RASA3: variants seen among roughly 807,000 people sequenced by gnomAD.
RASA3 encodes RAS p21 protein activator 3.
In RASA3, 73 loss-of-function variants were observed where a neutral mutation model predicts 110.0. The ratio of observed to expected loss-of-function variants is 0.66; its 90% CI spans 0.55 to 0.81. RASA3 has a LOEUF of 0.81. Among genes scored for constraint, RASA3 ranks in the 30% least tolerant of loss-of-function variants. The probability of loss-of-function intolerance (pLI) is 0.00; values close to 1 mark genes in which losing one functional copy is unlikely to be tolerated. For missense variants in RASA3, 976 were observed against 1,113.2 expected (o/e 0.88, Z 1.75); for synonymous variants, 500 against 451.4 (o/e 1.11, Z -1.37).
chr13:114,055,802 A>C (rs1403228189), intron 2 of RASA3, among the ~76,000 whole-genome samples: 41 of 151,342 alleles, frequency 2.7e-4, no homozygotes, highest in Admixed American at 6.6e-4. Context: ...CCAGAGTGGC[A>C]GGTGCCCAGG....
chr13:114,064,923 G>A (rs1386184545), intron 2 of RASA3, among the ~76,000 whole-genome samples: 1 of 152,254 alleles, frequency 6.6e-6, no homozygotes, highest in Non-Finnish European at 1.5e-5. Context: ...CTGCCATGTG[G>A]CCTAAGGAAA....
Position 113,977,920 on chromosome 13 carries a change from A to G in RASA3, c.*1427T>C, listed in dbSNP as rs1401799882. 1 of 152,390 alleles carries G rather than the reference A, an allele frequency of 6.6e-6. No individual in the cohort carries two copies. Among genetic ancestry groups the G allele is most frequent in the East Asian group, 1.9e-4 (1 of 5,206 alleles). The allele number at this position is 152,390 out of a possible 1,614,324, so 9.4% of individuals were successfully genotyped here. A position where few individuals can be genotyped will look rare whatever the true frequency, so the allele number is the denominator to read the frequency against. On this transcript the variant is annotated 3_prime_UTR_variant, in exon 24 of 24. Coordinates refer to ENST00000334062, the MANE Select transcript of RASA3 (RefSeq NM_007368.4). ...GTGCAGCCCCAACAGCTGTGTGTCC[A>G]AAAGTCTATTTTTACAACATTTTCC...
At chr13:114,047,429 T>A (rs1398695520) in intron 3 of RASA3, among the ~76,000 whole-genome samples, 1 of 152,194 alleles carries the variant, frequency 6.6e-6, no homozygotes, top group African/African-American at 2.4e-5. Context: ...GCGAAATACC[T>A]GCTGCTCTCA....
At chr13:114,050,968 C>T (rs2079134641) in intron 3 of RASA3, among the ~76,000 whole-genome samples, 1 of 152,226 alleles carries the variant, frequency 6.6e-6, no homozygotes, top group Admixed American at 6.5e-5. Flanking sequence ...CTGAGGGACA[C>T]AGGTGAGCGC....
intron 2 of RASA3, among the ~76,000 whole-genome samples, chr13:114,067,955 A>G (rs1165836773): frequency 6.6e-6 from 1 of 152,214 alleles, no homozygotes; most frequent in Non-Finnish European, 1.5e-5. Context: ...ATCACATCAC[A>G]TTGACGTTTT....
chr13:114,045,083 C>T lies in RASA3; in HGVS notation c.278-3989G>A, dbSNP rs566075125. On this transcript the variant is annotated intron_variant, in intron 3 of 23. Coordinates refer to ENST00000334062, the MANE Select transcript of RASA3 (RefSeq NM_007368.4). Reference sequence around the variant, plus strand: ...GACGTGGGGTCACTTCTGTCACCAGCCCCCAACCTTTCCTTCTAGAAGCCA... The same window carrying T: ...GACGTGGGGTCACTTCTGTCACCAGTCCCCAACCTTTCCTTCTAGAAGCCA... 2.1e-4 allele frequency among the ~76,000 whole-genome samples: 32 copies of T among 152,322 alleles called. 1 individual carries two copies. The highest frequency in any genetic ancestry group is 6.7e-4 in the African/African-American group (28 of 41,568).
At chr13:113,993,124 A>C (rs2053157127) in intron 21 of RASA3, among the ~76,000 whole-genome samples, 1 of 152,178 alleles carries the variant, frequency 6.6e-6, no homozygotes, top group Non-Finnish European at 1.5e-5. Context: ...CATGTGGTTT[A>C]TTCCTTCAGT....
At chr13:114,074,863 C>T (rs1393841021) in intron 1 of RASA3, among the ~76,000 whole-genome samples, 3 of 152,268 alleles carry the variant, frequency 2.0e-5, no homozygotes, top group African/African-American at 7.2e-5. Context: ...TCGGAGCATG[C>T]CCCAGCGGCA....
At chr13:114,118,353 G>A (rs1267297253) in intron 1 of RASA3, among the ~76,000 whole-genome samples, 4 of 152,060 alleles carry the variant, frequency 2.6e-5, no homozygotes, top group Non-Finnish European at 5.9e-5. Context: ...TAGTGGGTGG[G>A]GAAGCTTCTG....
In RASA3 at chr13:113,978,923, G is replaced by A. The variant is rs2139016504; in HGVS notation, c.*424C>T. 1 of 184,152 alleles carries A rather than the reference G, an allele frequency of 5.4e-6. No individual in the cohort carries two copies. 11.4% of individuals were successfully genotyped at this position (184,152 alleles called of 1,614,324 possible). ...GGCCTCCCGGGCACAGAGCCACAGA[G>A]CCCAGCGTCACACGCACCGTGCACG... is the stretch of plus-strand genomic sequence containing the variant. On this transcript the variant is annotated 3_prime_UTR_variant, in exon 24 of 24. Coordinates refer to ENST00000334062, the MANE Select transcript of RASA3 (RefSeq NM_007368.4).
intron 9 of RASA3, 55 bp downstream of exon 9, chr13:114,021,349 C>G (rs190391285): frequency 1.3e-6 from 2 of 1,503,454 alleles, no homozygotes; most frequent in Admixed American, 1.7e-5. Flanking sequence ...AGAGGCAGCA[C>G]GTGTTTTTGT....
chr13:114,014,701 G>A lies in RASA3; in HGVS notation c.1405+508C>T, dbSNP rs2053750108. On this transcript the variant is annotated intron_variant, in intron 14 of 23. Transcript: ENST00000334062. The surrounding 1 kb of genome is among the most constrained non-coding windows in gnomAD (Gnocchi z 4.5). ...TCCCTAGGGGATCTCCGGCTTGGGG[G>A]TTTGAAGAAAGGGCAGCTCCCCCAG... is the stretch of plus-strand genomic sequence containing the variant. Among the ~76,000 whole-genome samples, 1 of 152,116 alleles carries A rather than the reference G, an allele frequency of 6.6e-6. No homozygotes were observed. Among genetic ancestry groups the A allele is most frequent in the African/African-American group, 2.4e-5 (1 of 41,440 alleles).
rs566493305 is a variant in RASA3 at position 114,048,314 on chromosome 13, C to CAA, written c.277+3736_277+3737dup. ...TGGGCGACAGAAAGAGACTCCGTCTCAAAAAAAAAAAAAAAGAAGAAGAAA... is the reference window on the plus strand; with the variant it reads ...TGGGCGACAGAAAGAGACTCCGTCTCAAAAAAAAAAAAAAAAAGAAGAAGAAA... On this transcript the variant is annotated intron_variant, in intron 3 of 23. Transcript: ENST00000334062. This position sits in a 1 kb window ranked among gnomAD's most constrained non-coding sequence, Gnocchi z 4.3. Among the ~76,000 whole-genome samples, 719 of 114,384 alleles carry CAA rather than the reference C, an allele frequency of 6.3e-3. 8 individuals are homozygous for CAA. Among genetic ancestry groups the CAA allele is most frequent in the African/African-American group, 0.021 (659 of 30,688 alleles). The allele number at this position is 114,384 out of a possible 152,430, so 75.0% of individuals were successfully genotyped here.
At chr13:114,077,591 A>T (rs1349633009) in intron 1 of RASA3, among the ~76,000 whole-genome samples, 1 of 74,926 alleles carries the variant, frequency 1.3e-5, no homozygotes, top group Non-Finnish European at 2.5e-5. Context: ...CACCGGATTC[A>T]TCCTTCCTCC....
chr13:113,983,016 G>C (rs1454995010), intron 22 of RASA3, among the ~76,000 whole-genome samples: 1 of 151,444 alleles, frequency 6.6e-6, no homozygotes, highest in Non-Finnish European at 1.5e-5. Flanking sequence ...CCAAGAACTT[G>C]GTACTGAGAA....
chr13:114,036,899 G>A (rs987054069), intron 4 of RASA3, among the ~76,000 whole-genome samples: 1 of 152,186 alleles, frequency 6.6e-6, no homozygotes, highest in African/African-American at 2.4e-5. Flanking sequence ...GTCACGCTAC[G>A]TTTTGGGCGG....
At chr13:114,037,814 G>A (rs771055443) in intron 4 of RASA3, among the ~76,000 whole-genome samples, 12 of 152,210 alleles carry the variant, frequency 7.9e-5, no homozygotes, top group Non-Finnish European at 1.2e-4. Context: ...CCTGGTTGAC[G>A]TTGCACCAGC....
intron 21 of RASA3, among the ~76,000 whole-genome samples, chr13:113,992,991 T>C (rs1287479669): frequency 3.3e-5 from 5 of 152,246 alleles, no homozygotes; most frequent in Non-Finnish European, 7.3e-5. Context: ...CTCCAGAATC[T>C]TATCAATACA....
At chr13:113,980,811 G>C (rs2052916335) in intron 23 of RASA3, among the ~76,000 whole-genome samples, 3 of 152,152 alleles carry the variant, frequency 2.0e-5, no homozygotes, top group Non-Finnish European at 2.9e-5. Context: ...TCCCAGACCA[G>C]ACCCGCATGG....
Sources: gnomAD v4.1 joint callset for allele counts (sites outside exome capture counted in the v4.1 genomes callset) on GRCh38, gnomAD v4.1.1 for gene constraint, Gnocchi (gnomAD v3.1) non-coding constraint, MANE v1.5 for transcripts, NCBI Gene and HGNC (gene_info 2026-07-23, HGNC 2026-07-21) for gene names.